Variants in EIPR1 observed in about 807,000 individuals in gnomAD.
EIPR1 encodes the protein EARP and GARP complex-interacting protein 1.
Under a neutral mutation model 48.1 loss-of-function variants are expected in EIPR1, and 25 were observed. The ratio of observed to expected loss-of-function variants is 0.52; its 90% CI spans 0.38 to 0.73. The LOEUF (loss-of-function observed/expected upper bound fraction) is 0.73. Among genes scored for constraint, EIPR1 ranks in the 30% least tolerant of loss-of-function variants. The probability of loss-of-function intolerance (pLI) is 0.00; values close to 1 mark genes in which losing one functional copy is unlikely to be tolerated. For missense variants in EIPR1, 415 were observed against 506.2 expected, an observed-to-expected ratio of 0.82 and a Z score of 1.73; for synonymous variants, 204 against 201.9, an observed-to-expected ratio of 1.01 and a Z score of -0.09.
chr2:3,293,270 A>G lies in EIPR1; in HGVS notation c.260-35815T>C, dbSNP rs534443277. On this transcript the variant is annotated intron_variant, in intron 3 of 8. Coordinates refer to ENST00000382125, the MANE Select transcript of EIPR1 (RefSeq NM_003310.5). The stretch of plus-strand genomic sequence containing the variant: ...ACCGGGTTCCCAGGACACCTTTCCT[A>G]GCAGGCTCAGGAAAGGGCATCTTTA... 5.9e-5 allele frequency among the ~76,000 whole-genome samples: 9 copies of G among 152,262 alleles called. No homozygotes were observed. The East Asian group carries it at 1.7e-3, about 29-fold the overall frequency.
rs114478781 is a variant in EIPR1, at chr2:3,333,081, G to A, written c.259+4936C>T. Among the ~76,000 whole-genome samples, 1,108 of 152,258 alleles carry A rather than the reference G, an allele frequency of 7.3e-3. 12 individuals are homozygous for A. The highest frequency in any genetic ancestry group is 0.026 in the African/African-American group (1,065 of 41,540). The stretch of plus-strand genomic sequence containing the variant: ...GGCGCCAGATCCTTCAGCTGTGCAC[G>A]GGGAGCTCAACACTGACATTCCTGA... On this transcript the variant is annotated intron_variant, in intron 3 of 8. Coordinates refer to ENST00000382125, the MANE Select transcript of EIPR1 (RefSeq NM_003310.5).
chr2:3,212,908 G>T (rs146683034), intron 5 of EIPR1, among the ~76,000 whole-genome samples: 74 of 152,278 alleles, frequency 4.9e-4, no homozygotes, highest in African/African-American at 1.7e-3. Context: ...CGCGGTGAAG[G>T]CTGTGAGACT....
Position 3,288,527 on chromosome 2 carries a change from G to A in EIPR1, c.260-31072C>T, listed in dbSNP as rs897809580. Among the ~76,000 whole-genome samples the A allele has an allele frequency of 2.1e-4, 32 of 152,290 alleles. 1 individual carries two copies. Among genetic ancestry groups the A allele is most frequent in the South Asian group, 1.4e-3 (7 of 4,828 alleles). On this transcript the variant is annotated intron_variant, in intron 3 of 8. Coordinates refer to ENST00000382125, the MANE Select transcript of EIPR1 (RefSeq NM_003310.5). ...AGTTATTAATGATGTAAGAACACAA[G>A]CCAGGAAGAAAAGCACTTCTGAGGA...
rs542538338 is a variant in EIPR1 at position 3,278,605 on chromosome 2, C to T, written c.260-21150G>A. Among the ~76,000 whole-genome samples the T allele has an allele frequency of 7.9e-5, 12 of 152,284 alleles. No individual in the cohort carries two copies. In the South Asian group the frequency reaches 2.1e-3, roughly 26 times the overall value. On this transcript the variant is annotated intron_variant, in intron 3 of 8. Coordinates refer to ENST00000382125, the MANE Select transcript of EIPR1 (RefSeq NM_003310.5). ...CTTCCGACCCCTGAGGTTGGCCTGGCCTGGCCTGCTCTACCGGAGGCTCCA... is the reference window on the plus strand; with the variant it reads ...CTTCCGACCCCTGAGGTTGGCCTGGTCTGGCCTGCTCTACCGGAGGCTCCA...
At chr2:3,269,182 G>A (rs1260221655) in intron 3 of EIPR1, among the ~76,000 whole-genome samples, 5 of 152,194 alleles carry the variant, frequency 3.3e-5, no homozygotes, top group Non-Finnish European at 7.3e-5. Context: ...ACAGACAGAA[G>A]CAGCAGCCAC....
intron 3 of EIPR1, among the ~76,000 whole-genome samples, chr2:3,296,039 T>A (rs1340910887): frequency 8.5e-4 from 44 of 51,656 alleles, no homozygotes; most frequent in African/African-American, 1.1e-3. Flanking sequence ...TCCTCTCTAC[T>A]CACACACACC....
At chr2:3,307,654 T>C (rs952205255) in intron 3 of EIPR1, among the ~76,000 whole-genome samples, 1 of 152,260 alleles carries the variant, frequency 6.6e-6, no homozygotes, top group Admixed American at 6.5e-5. Context: ...GCACTTCTCC[T>C]GGAGGGAGAG....
rs190779509 is a variant in EIPR1 at position 3,344,332 on chromosome 2, C to T, written c.127-6183G>A. The stretch of plus-strand genomic sequence containing the variant: ...GCCTGTGACCAGATCCTGGACAGAA[C>T]AAGCCATGGGCCCATATCGCTGCTT... On this transcript the variant is annotated intron_variant, in intron 2 of 8. Coordinates refer to ENST00000382125, the MANE Select transcript of EIPR1 (RefSeq NM_003310.5). Among the ~76,000 whole-genome samples the T allele has an allele frequency of 4.1e-4, 62 of 152,350 alleles. No individual in the cohort carries two copies. In the East Asian group the frequency reaches 7.5e-3, roughly 19 times the overall value.
intron 1 of EIPR1, among the ~76,000 whole-genome samples, chr2:3,368,901 C>A (rs1439622009): frequency 1.3e-5 from 2 of 152,154 alleles, no homozygotes; most frequent in Non-Finnish European, 2.9e-5. Flanking sequence ...CCGTGTTGGT[C>A]TTTTATTTGC....
At chr2:3,329,564 A>G (rs1312194210) in intron 3 of EIPR1, among the ~76,000 whole-genome samples, 4 of 145,488 alleles carry the variant, frequency 2.7e-5, no homozygotes, top group African/African-American at 1.0e-4. Flanking sequence ...TCCACCTACC[A>G]CACTCTAATG....
chr2:3,291,173 G>GA (rs1459392124), intron 3 of EIPR1, among the ~76,000 whole-genome samples: 18 of 152,220 alleles, frequency 1.2e-4, no homozygotes, highest in African/African-American at 3.6e-4. Flanking sequence ...CACCCAGAAT[G>GA]AAGCTACAGG....
At chr2:3,230,029 T>C (rs1666191420) in intron 4 of EIPR1, among the ~76,000 whole-genome samples, 1 of 152,322 alleles carries the variant, frequency 6.6e-6, no homozygotes, top group South Asian at 2.1e-4. Flanking sequence ...TTCTTCCCCA[T>C]CCATGAACAC....
At chr2:3,265,114 G>T (rs1667447933) in intron 3 of EIPR1, among the ~76,000 whole-genome samples, 1 of 152,268 alleles carries the variant, frequency 6.6e-6, no homozygotes, top group South Asian at 2.1e-4. Context: ...AAATCTGGTG[G>T]GTACGAGGTG....
At chr2:3,226,339 T>G (rs1338683478) in intron 4 of EIPR1, among the ~76,000 whole-genome samples, 1 of 152,234 alleles carries the variant, frequency 6.6e-6, no homozygotes, top group East Asian at 1.9e-4. Context: ...GATGTCTCAT[T>G]GCGGTTTTGA....
intron 1 of EIPR1, among the ~76,000 whole-genome samples, chr2:3,374,150 T>C (rs1363596956): frequency 6.9e-6 from 1 of 145,404 alleles, no homozygotes; most frequent in African/African-American, 2.5e-5. Flanking sequence ...ATTTAATAAA[T>C]GGTGCTGGGA....
chr2:3,362,226 C>G (rs1670868444), intron 1 of EIPR1, among the ~76,000 whole-genome samples: 1 of 151,694 alleles, frequency 6.6e-6, no homozygotes, highest in Non-Finnish European at 1.5e-5. Context: ...TTCATACACA[C>G]AGGGGTGAGC....
At chr2:3,216,167 T>C (rs1276438725) in intron 4 of EIPR1, among the ~76,000 whole-genome samples, 1 of 152,132 alleles carries the variant, frequency 6.6e-6, no homozygotes, top group African/African-American at 2.4e-5. Context: ...ACAAATGCAA[T>C]GCAGGGAGAG....
At chr2:3,337,274 T>A (rs1305798179) in intron 3 of EIPR1, among the ~76,000 whole-genome samples, 2 of 152,120 alleles carry the variant, frequency 1.3e-5, no homozygotes, top group African/African-American at 4.8e-5. Flanking sequence ...AGCCAGGGTA[T>A]GAGAGAGAAG....
Position 3,189,636 on chromosome 2 carries a change from T to C in EIPR1, c.990-128A>G. On this transcript the variant is annotated intron_variant, in intron 8 of 8. Transcript: ENST00000382125. This position sits in a 1 kb window ranked among gnomAD's most constrained non-coding sequence, Gnocchi z 4.6. ...ACTGGGGCCTCAGCTTTCTCCGCTG[T>C]GGGATGGGAAGAATTAGAGGAGCCC... 1 of 899,148 alleles carries C rather than the reference T, an allele frequency of 1.1e-6. No individual in the cohort carries two copies. 55.7% of individuals were successfully genotyped at this position (899,148 alleles called of 1,614,324 possible).
Sources: allele counts gnomAD v4.1 joint callset (sites outside exome capture counted in the v4.1 genomes callset), GRCh38; gene constraint gnomAD v4.1.1; non-coding constraint Gnocchi (gnomAD v3.1); transcripts MANE v1.5; gene names NCBI Gene and HGNC (gene_info 2026-07-23, HGNC 2026-07-21).